The following CTPS2 variants were observed in gnomAD, a reference collection of about 807,000 sequenced individuals.
The protein encoded by CTPS2 is CTP synthase II.
CTPS2 carries 19 observed loss-of-function variants against 46.8 expected under a neutral mutation model. That is an observed-to-expected ratio of 0.41 (90% CI 0.28 to 0.60). The LOEUF is 0.60. Among genes scored for constraint, CTPS2 ranks in the 20% least tolerant of loss-of-function variants. The pLI is 0.35. For synonymous variants in CTPS2, 151 were observed against 165.2 expected, an observed-to-expected ratio of 0.91 and a Z score of 0.66; for missense variants, 286 against 447.6, an observed-to-expected ratio of 0.64 and a Z score of 3.26.
In CTPS2 at chrX:16,667,695, T is replaced by A; in HGVS notation, c.1219A>T (p.Ile407Leu). The A allele has an allele frequency of 1.7e-6, 2 of 1,211,036 alleles. 1 individual carries two copies. Among genetic ancestry groups the A allele is most frequent in the South Asian group, 3.5e-5 (2 of 56,953 alleles). Residue 407 changes from isoleucine (I) to leucine (L), a missense_variant, in exon 12 of 19, where the codon ATA (isoleucine) becomes TTA (leucine). Ile to Leu is a conservative substitution (Grantham distance 5). Coordinates refer to ENST00000359276, the MANE Select transcript of CTPS2 (RefSeq NM_175859.3). ...GVCLGMQLAV[I>L]EFARNCLNLK... ...TTAAGGCAGTTTCTTGCAAACTCTA[T>A]CACTGCTAGTTGCATCCCAAGACAA...
intron 14 of CTPS2, among the ~76,000 whole-genome samples, chrX:16,621,793 T>A (rs1569198716): frequency 8.9e-6 from 1 of 112,031 alleles, no homozygotes; most frequent in Non-Finnish European, 1.9e-5. Context: ...TTGTTTGAGC[T>A]TTTGACTTGG....
intron 13 of CTPS2, among the ~76,000 whole-genome samples, chrX:16,647,426 C>T (rs1875353126): frequency 1.8e-5 from 2 of 108,311 alleles, no homozygotes; most frequent in Non-Finnish European, 3.8e-5. Flanking sequence ...CACCACCACG[C>T]CTGGCTAATT....
At chrX:16,690,411 C>T (rs1923602880) in intron 7 of CTPS2, among the ~76,000 whole-genome samples, 1 of 110,798 alleles carries the variant, frequency 9.0e-6, no homozygotes, top group African/African-American at 3.3e-5. Flanking sequence ...AATGGCATGA[C>T]AACATATCAA....
chrX:16,694,700 C>T (rs980188585), intron 4 of CTPS2, among the ~76,000 whole-genome samples: 4 of 112,476 alleles, frequency 3.6e-5, no homozygotes, highest in Non-Finnish European at 7.5e-5. Flanking sequence ...ACCAAAATTA[C>T]AGCAGAACCA....
chrX:16,660,418 T>A (rs1170526405), intron 13 of CTPS2, among the ~76,000 whole-genome samples: 3 of 78,423 alleles, frequency 3.8e-5, no homozygotes, highest in African/African-American at 1.7e-4. Flanking sequence ...TATTTATTAT[T>A]TTTTGAGACA....
chrX:16,653,123 A>G (rs998030177), intron 13 of CTPS2, among the ~76,000 whole-genome samples: 1 of 110,693 alleles, frequency 9.0e-6, no homozygotes, highest in African/African-American at 3.3e-5. Context: ...TATATATATA[A>G]TATAGTCTAA....
chrX:16,674,833 G>A (rs1263545041), intron 10 of CTPS2, among the ~76,000 whole-genome samples: 4 of 100,723 alleles, frequency 4.0e-5, no homozygotes, highest in East Asian at 6.2e-4. Flanking sequence ...GCGAGACTCC[G>A]TCTCAAAAAA....
intron 1 of CTPS2, among the ~76,000 whole-genome samples, chrX:16,710,153 G>C (rs760858872): frequency 9.0e-6 from 1 of 111,136 alleles, no homozygotes; most frequent in East Asian, 2.9e-4. Context: ...TACAACAGCT[G>C]GCCATAAAGA....
chrX:16,676,214 T>G (rs1922256474), intron 10 of CTPS2, among the ~76,000 whole-genome samples: 1 of 112,272 alleles, frequency 8.9e-6, no homozygotes, highest in South Asian at 3.7e-4. Context: ...TGTGCTTTCC[T>G]GTAAAGAATC....
intron 13 of CTPS2, among the ~76,000 whole-genome samples, chrX:16,661,923 A>G (rs951045639): frequency 1.8e-5 from 2 of 109,531 alleles, no homozygotes; most frequent in African/African-American, 6.7e-5. Context: ...ACCTTTTTCA[A>G]CAAACAGAAA....
intron 1 of CTPS2, among the ~76,000 whole-genome samples, chrX:16,705,210 T>G (rs1484240172): frequency 1.3e-4 from 14 of 111,430 alleles, no homozygotes; most frequent in Non-Finnish European, 2.4e-4. Context: ...AGCGAGACTC[T>G]GTCTCAAAAA....
chrX:16,661,052 C>T (rs1208995867), intron 13 of CTPS2, among the ~76,000 whole-genome samples: 1 of 110,601 alleles, frequency 9.0e-6, no homozygotes, highest in Non-Finnish European at 1.9e-5. Context: ...CTCCACCTCC[C>T]AGGTTCAAGT....
rs1335988935 is a variant in CTPS2, at chrX:16,702,852, C to T, written c.51G>A (p.Gly17=). The T allele has an allele frequency of 4.1e-6, 5 of 1,207,311 alleles. No homozygotes were observed. The highest frequency in any genetic ancestry group is 5.6e-6 in the Non-Finnish European group (5 of 893,817). Residue 17 remains glycine, a synonymous_variant, in exon 2 of 19, where the codon GGG becomes GGA. Coordinates refer to ENST00000359276, the MANE Select transcript of CTPS2 (RefSeq NM_175859.3). ...TCGTTCCAATGCTGCTGGCAATGAT[C>T]CCTTTACCAATGCCTGAGATGACCC... The part of the protein sequence containing the change: ...TGGVISGIGK[G]IIASSIGTIL...
intron 1 of CTPS2, among the ~76,000 whole-genome samples, chrX:16,709,862 A>C (rs1032473187): frequency 9.3e-6 from 1 of 107,370 alleles, no homozygotes; most frequent in African/African-American, 3.4e-5. Context: ...AAAAAAAAAA[A>C]AAAAAAAAAA....
At chrX:16,600,505 TTGAA>T (rs1233725035) in intron 17 of CTPS2, among the ~76,000 whole-genome samples, 1 of 111,793 alleles carries the variant, frequency 8.9e-6, no homozygotes, top group Non-Finnish European at 1.9e-5. Flanking sequence ...TTAGTCTGCT[TTGAA>T]TGAGTTTTAT....
intron 15 of CTPS2, among the ~76,000 whole-genome samples, chrX:16,619,760 G>A (rs1157935659): frequency 9.0e-6 from 1 of 111,654 alleles, no homozygotes; most frequent in Non-Finnish European, 1.9e-5. Flanking sequence ...TTTCTCATGT[G>A]GCAACCTCAA....
chrX:16,642,193 G>A (rs1188767694), intron 13 of CTPS2, among the ~76,000 whole-genome samples: 1 of 112,111 alleles, frequency 8.9e-6, no homozygotes, highest in Non-Finnish European at 1.9e-5. Flanking sequence ...TATCCCTGCT[G>A]TTTTCAGAAG....
chrX:16,663,498 G>T (rs1933033311), intron 13 of CTPS2, among the ~76,000 whole-genome samples: 1 of 111,003 alleles, frequency 9.0e-6, no homozygotes, highest in African/African-American at 3.3e-5. Context: ...GGCTAAGTGG[G>T]TATACACACA....
intron 1 of CTPS2, among the ~76,000 whole-genome samples, chrX:16,711,135 G>A (rs1025836336): frequency 1.8e-5 from 2 of 112,015 alleles, no homozygotes; most frequent in Non-Finnish European, 1.9e-5. Flanking sequence ...ATATTACACA[G>A]CCAGGTACGT....
Sources: gnomAD v4.1 joint callset for allele counts (sites outside exome capture counted in the v4.1 genomes callset) on GRCh38, gnomAD v4.1.1 for gene constraint, MANE v1.5 for transcripts, NCBI Gene and HGNC (gene_info 2026-07-23, HGNC 2026-07-21) for gene names.